Variants in PSPH observed in about 807,000 individuals in gnomAD.
PSPH encodes the protein phosphoserine phosphatase, also known as L-3-phosphoserine phosphatase.
PSPH carries 16 observed loss-of-function variants against 23.4 expected under a neutral mutation model. The observed-to-expected ratio is 0.68, with a 90% CI of 0.46 to 1.04. PSPH has a LOEUF of 1.04. PSPH is among the 50% of genes least tolerant of loss of function. The pLI is 0.00. For missense variants in PSPH, 223 were observed against 273.7 expected, an observed-to-expected ratio of 0.81 and a Z score of 1.31; for synonymous variants, 68 against 99.7, an observed-to-expected ratio of 0.68 and a Z score of 1.89.
chr7:56,011,718 T>C lies in PSPH; in HGVS notation c.*44A>G. ...AAACAGTATCAATCTGTATAACTTG[T>C]AAAAATTCATCTGAAGTTGTTTGGA... On this transcript the variant is annotated 3_prime_UTR_variant, in exon 8 of 8. Transcript: ENST00000275605. 6.7e-7 allele frequency: 1 copy of C among 1,488,364 alleles called. No individual in the cohort carries two copies. The highest frequency in any genetic ancestry group is 9.4e-7 in the Non-Finnish European group (1 of 1,065,886). 92.2% of individuals were successfully genotyped at this position (1,488,364 alleles called of 1,614,324 possible).
At chr7:56,039,899 C>T (rs1437939662) in intron 1 of PSPH, among the ~76,000 whole-genome samples, 2 of 151,448 alleles carry the variant, frequency 1.3e-5, no homozygotes, top group Non-Finnish European at 2.9e-5. Context: ...GAGATCGAGA[C>T]CATCCTCGCT....
chr7:56,038,291 C>CAA (rs34887035), intron 1 of PSPH, among the ~76,000 whole-genome samples: 44 of 127,170 alleles, frequency 3.5e-4, no homozygotes, highest in African/African-American at 9.1e-4. Context: ...ACAAAAAATA[C>CAA]AAAAAAAAAA....
chr7:56,039,116 C>A (rs986384224), intron 1 of PSPH, among the ~76,000 whole-genome samples: 2 of 150,196 alleles, frequency 1.3e-5, no homozygotes, highest in Admixed American at 6.7e-5. Context: ...CCATTGCATA[C>A]CCGCCCGGGA....
chr7:56,048,933 T>A (rs535810780), intron 1 of PSPH, among the ~76,000 whole-genome samples: 2 of 152,102 alleles, frequency 1.3e-5, no homozygotes, highest in East Asian at 1.9e-4. Flanking sequence ...GTTGTTTTTT[T>A]CTTTGAGACA....
At chr7:56,043,191 C>T (rs1341395156) in intron 1 of PSPH, 1 of 151,710 alleles carries the variant, frequency 6.6e-6, no homozygotes, top group Non-Finnish European at 1.5e-5. Flanking sequence ...ATTGCTTGAA[C>T]TTGGGAAGGG....
At chr7:56,038,351 T>G (rs1383627999) in intron 1 of PSPH, among the ~76,000 whole-genome samples, 1 of 150,000 alleles carries the variant, frequency 6.7e-6, no homozygotes, top group African/African-American at 2.4e-5. Flanking sequence ...CCCAGCTACT[T>G]GGGAGGCTGA....
chr7:56,040,323 G>T (rs191251627), intron 1 of PSPH, among the ~76,000 whole-genome samples: 1 of 151,900 alleles, frequency 6.6e-6, no homozygotes, highest in Non-Finnish European at 1.5e-5. Flanking sequence ...ATCCAGGTAT[G>T]ATATATGGTT....
At position 56,011,607 on chromosome 7, in the gene PSPH, A is replaced by C. The variant is rs548683690; in HGVS notation, c.*155T>G. 3 of 588,992 alleles carry C rather than the reference A, an allele frequency of 5.1e-6. No homozygotes were observed. Among genetic ancestry groups the C allele is most frequent in the Admixed American group, 3.0e-5 (1 of 33,468 alleles). The allele number at this position is 588,992 out of a possible 1,614,324, so 36.5% of individuals were successfully genotyped here. A position where few individuals can be genotyped will look rare whatever the true frequency, so the allele number is the denominator to read the frequency against. The stretch of plus-strand genomic sequence containing the variant: ...CTACAGTTAAAAAAAAAAAAAAAGC[A>C]ATCTTCTAGGATTCCTAACTGTAGT... On this transcript the variant is annotated 3_prime_UTR_variant, in exon 8 of 8. Coordinates refer to ENST00000275605, the MANE Select transcript of PSPH (RefSeq NM_004577.4).
At chr7:56,047,961 C>T (rs186316330) in intron 1 of PSPH, among the ~76,000 whole-genome samples, 9 of 152,070 alleles carry the variant, frequency 5.9e-5, no homozygotes, top group African/African-American at 1.2e-4. Context: ...CCACTGTGCC[C>T]GGCCATAATC....
intron 5 of PSPH, among the ~76,000 whole-genome samples, chr7:56,017,716 C>CAT: frequency 1.2e-5 from 1 of 82,392 alleles, no homozygotes. Context: ...CACCCAGTTA[C>CAT]TTTTTTTTTT....
intron 2 of PSPH, among the ~76,000 whole-genome samples, chr7:56,032,925 T>C (rs1791226196): frequency 6.8e-6 from 1 of 146,584 alleles, no homozygotes; most frequent in African/African-American, 2.5e-5. Context: ...CTAGCCTGGG[T>C]GACCAAGTGA....
At chr7:56,020,277 G>A (rs1260830026) in intron 4 of PSPH, among the ~76,000 whole-genome samples, 2 of 151,902 alleles carry the variant, frequency 1.3e-5, no homozygotes, top group Non-Finnish European at 2.9e-5. Flanking sequence ...GCTGTGAGCT[G>A]TCATAAATCA....
intron 3 of PSPH, 122 bp downstream of exon 3, chr7:56,031,807 C>G (rs1791034125): frequency 6.5e-6 from 1 of 153,346 alleles, no homozygotes; most frequent in Non-Finnish European, 1.5e-5. Context: ...AAGCAAGACT[C>G]TGTCTCAAAA....
At chr7:56,014,907 C>T in intron 7 of PSPH, 116 bp downstream of exon 7, 1 of 1,118,272 alleles carries the variant, frequency 8.9e-7, no homozygotes, top group Non-Finnish European at 1.2e-6. Flanking sequence ...CACGCCACTG[C>T]ACTCCAACCT....
At chr7:56,048,292 A>G (rs1395928182) in intron 1 of PSPH, among the ~76,000 whole-genome samples, 12 of 32,438 alleles carry the variant, frequency 3.7e-4, no homozygotes, top group Middle Eastern at 0.015. Context: ...AAAAATTTGA[A>G]AAAAAAAAAA....
intron 6 of PSPH, among the ~76,000 whole-genome samples, chr7:56,015,918 C>G (rs1788493431): frequency 6.6e-6 from 1 of 151,972 alleles, no homozygotes; most frequent in Non-Finnish European, 1.5e-5. Flanking sequence ...CTCGGCCTCC[C>G]AAAGTTCTGG....
In PSPH at chr7:56,013,825, G is replaced by C. The variant is rs558663817; in HGVS notation, c.570+1198C>G. On this transcript the variant is annotated intron_variant, in intron 7 of 7. Transcript: ENST00000275605. Reference sequence around the variant, plus strand: ...TCTGCAAGCCTCAGTTCCCCTATCAGTAAGAAGAACACAACATTTGGCCAG... The same window carrying C: ...TCTGCAAGCCTCAGTTCCCCTATCACTAAGAAGAACACAACATTTGGCCAG... Among the ~76,000 whole-genome samples, 5 of 152,286 alleles carry C rather than the reference G, an allele frequency of 3.3e-5. No homozygotes were observed. In the East Asian group the frequency reaches 9.6e-4, roughly 29 times the overall value.
intron 4 of PSPH, 42 bp downstream of exon 4, chr7:56,021,031 A>G (rs772904386): frequency 6.2e-7 from 1 of 1,612,998 alleles, no homozygotes. Flanking sequence ...ACTCTTTAGA[A>G]AGTCTTTATC....
intron 1 of PSPH, among the ~76,000 whole-genome samples, chr7:56,050,014 G>A (rs4427122): frequency 0.22 from 33,557 of 152,006 alleles, 3,852 homozygotes; most frequent in East Asian, 0.4. Context: ...GGGATTACAA[G>A]CGTGCGCCAC....
Sources: gnomAD v4.1 joint callset for allele counts (sites outside exome capture counted in the v4.1 genomes callset) on GRCh38, gnomAD v4.1.1 for gene constraint, MANE v1.5 for transcripts, NCBI Gene and HGNC (gene_info 2026-07-23, HGNC 2026-07-21) for gene names.